The following MRPS23 variants were observed in gnomAD, a reference collection of about 807,000 sequenced individuals.
MRPS23 encodes the protein mitochondrial ribosomal protein S23.
Under a neutral mutation model 19.8 loss-of-function variants are expected in MRPS23, and 14 were observed. The ratio of observed to expected loss-of-function variants is 0.71; its 90% CI spans 0.47 to 1.11. The LOEUF (loss-of-function observed/expected upper bound fraction) is 1.11, where lower values mean the gene tolerates loss of function less well. MRPS23 is among the 50% of genes least tolerant of loss of function. The probability of loss-of-function intolerance (pLI) is 0.00; values close to 1 mark genes in which losing one functional copy is unlikely to be tolerated. For missense variants in MRPS23, 242 were observed against 236.7 expected (o/e 1.02, Z -0.15); for synonymous variants, 113 against 89.7 (o/e 1.26, Z -1.47).
intron 2 of MRPS23, among the ~76,000 whole-genome samples, chr17:57,842,291 G>A (rs905613105): frequency 3.3e-5 from 5 of 152,180 alleles, no homozygotes; most frequent in African/African-American, 1.2e-4. Flanking sequence ...TGGGCTTACA[G>A]GCATGAGCCA....
intron 2 of MRPS23, among the ~76,000 whole-genome samples, chr17:57,846,297 T>C (rs1204644911): frequency 1.4e-4 from 1 of 7,390 alleles, no homozygotes; most frequent in Non-Finnish European, 5.3e-4. Context: ...GGGAGGGAGG[T>C]GGGGGGCACC....
rs2073737777 is a variant in MRPS23, at chr17:57,841,166, C to T, written c.293+17G>A. ...AAAAAATAATATGAATAGCCTAGGA[C>T]TTATAAAATGGCTTACCGTTGACAG... On this transcript the variant is annotated intron_variant, in intron 3 of 4. Coordinates refer to ENST00000313608, the MANE Select transcript of MRPS23 (RefSeq NM_016070.4). 1 of 1,613,726 alleles carries T rather than the reference C, an allele frequency of 6.2e-7. No individual in the cohort carries two copies. The highest frequency in any genetic ancestry group is 1.1e-5 in the South Asian group (1 of 91,014).
chr17:57,842,977 T>A (rs2586042), intron 2 of MRPS23, among the ~76,000 whole-genome samples: 144,916 of 147,662 alleles, frequency 0.98, 71,157 homozygotes, highest in East Asian at 1. Context: ...CCAGCAAAAA[T>A]ATATATATAT....
In MRPS23 at chr17:57,849,995, G is replaced by A. The variant is rs759243514; in HGVS notation, c.16C>T (p.Leu6=). The change falls in exon 1 of 5, where the codon CTG becomes TTG. Residue 6 remains leucine, a synonymous_variant. Transcript: ENST00000313608. ...GAGAAGATGCTCCCTACGGTTTCCA[G>A]CCGGCTGCCTGCCATGATCTGCGCC... MAGSR[L]ETVGSIFSRT... is the part of the protein sequence containing the mutation. The A allele has an allele frequency of 2.4e-5, 38 of 1,591,332 alleles. No individual in the cohort carries two copies. The Middle Eastern group carries it at 5.0e-4, about 21-fold the overall frequency.
chr17:57,842,416 C>T (rs2073745041), intron 2 of MRPS23, among the ~76,000 whole-genome samples: 1 of 152,226 alleles, frequency 6.6e-6, no homozygotes, highest in African/African-American at 2.4e-5. Flanking sequence ...TCATCACCCC[C>T]AAAAGGAGGC....
chr17:57,849,312 C>G lies in MRPS23; in HGVS notation c.143G>C (p.Arg48Thr), dbSNP rs2073796771. Reference sequence around the variant, plus strand: ...GGCTTTGCCATATCGCACTCGAGGCCTTTGGAAGACGGGCTCCCTCAGCGG... The same window carrying G: ...GGCTTTGCCATATCGCACTCGAGGCGTTTGGAAGACGGGCTCCCTCAGCGG... ...FPPLREPVFQ[R>T]PRVRYGKAKA... Residue 48 changes from arginine (R) to threonine (T), a missense_variant, in exon 2 of 5, where the codon AGG (arginine) becomes ACG (threonine). Physicochemically the swap from Arg to Thr is moderately conservative, Grantham distance 71. Coordinates refer to ENST00000313608, the MANE Select transcript of MRPS23 (RefSeq NM_016070.4). The G allele has an allele frequency of 1.2e-6, 2 of 1,614,226 alleles. No homozygotes were observed. Among genetic ancestry groups the G allele is most frequent in the African/African-American group, 2.7e-5 (2 of 75,046 alleles).
At chr17:57,841,083 T>C in intron 3 of MRPS23, 31 bp from the exon 4 acceptor site, 1 of 1,612,888 alleles carries the variant, frequency 6.2e-7, no homozygotes, top group Non-Finnish European at 8.5e-7. Context: ...ATTTTAGGTA[T>C]GTTTGTAAGC....
chr17:57,849,800 A>T, intron 1 of MRPS23, 167 bp downstream of exon 1: 1 of 791,818 alleles, frequency 1.3e-6, no homozygotes, highest in Non-Finnish European at 2.0e-6. Flanking sequence ...CCTCAGGCAC[A>T]ACTATTCGGA....
chr17:57,846,669 T>C (rs1597953965), intron 2 of MRPS23, among the ~76,000 whole-genome samples: 1 of 152,166 alleles, frequency 6.6e-6, no homozygotes, highest in South Asian at 2.1e-4. Flanking sequence ...GTTAAATGGA[T>C]TAAGGGCGGT....
chr17:57,849,965 A>C lies in MRPS23; in HGVS notation c.44+2T>G. On this transcript the variant is annotated splice_donor_variant, in intron 1 of 4. Coordinates refer to ENST00000313608, the MANE Select transcript of MRPS23 (RefSeq NM_016070.4). LOFTEE classifies it high-confidence loss of function. ...CAGCCCACCACGGCTGGGAGCACAC[A>C]CCGAGAGAAGATGCTCCCTACGGTT... is the stretch of plus-strand genomic sequence containing the variant. The C allele has an allele frequency of 6.3e-7, 1 of 1,587,348 alleles. No homozygotes were observed. Among genetic ancestry groups the C allele is most frequent in the Admixed American group, 1.7e-5 (1 of 58,312 alleles).
intron 2 of MRPS23, among the ~76,000 whole-genome samples, chr17:57,847,120 C>T (rs1267011517): frequency 2.0e-5 from 3 of 150,202 alleles, no homozygotes; most frequent in African/African-American, 7.4e-5. Flanking sequence ...CATGGTGAAA[C>T]CCCATCTCTA....
chr17:57,837,194 C>G lies in MRPS23; in HGVS notation c.*2589G>C, dbSNP rs1026555724. 2.0e-5 allele frequency: 3 copies of G among 152,212 alleles called. No individual in the cohort carries two copies. Among genetic ancestry groups the G allele is most frequent in the Non-Finnish European group, 4.4e-5 (3 of 68,032 alleles). 9.4% of individuals were successfully genotyped at this position (152,212 alleles called of 1,614,324 possible). A position where few individuals can be genotyped will look rare whatever the true frequency, so the allele number is the denominator to read the frequency against. ...TCTCCCCATCCAGATATTTGCTATACAGGGATGGTCTTTCCCTTCTGGTCC... is the reference window on the plus strand; with the variant it reads ...TCTCCCCATCCAGATATTTGCTATAGAGGGATGGTCTTTCCCTTCTGGTCC... On this transcript the variant is annotated 3_prime_UTR_variant, in exon 5 of 5. Coordinates refer to ENST00000313608, the MANE Select transcript of MRPS23 (RefSeq NM_016070.4).
chr17:57,847,681 A>G (rs2073785458), intron 2 of MRPS23, among the ~76,000 whole-genome samples: 1 of 146,768 alleles, frequency 6.8e-6, no homozygotes, highest in Non-Finnish European at 1.5e-5. Flanking sequence ...AAAAATACTT[A>G]GATCAGAAAA....
At chr17:57,845,294 C>T (rs2073765439) in intron 2 of MRPS23, among the ~76,000 whole-genome samples, 1 of 152,124 alleles carries the variant, frequency 6.6e-6, no homozygotes, top group African/African-American at 2.4e-5. Context: ...ATGTTGTATG[C>T]CGAAAATATC....
Position 57,850,027 on chromosome 17 carries a change from C to G in MRPS23, c.-17G>C. 1 of 1,589,152 alleles carries G rather than the reference C, an allele frequency of 6.3e-7. No homozygotes were observed. Among genetic ancestry groups the G allele is most frequent in the South Asian group, 1.1e-5 (1 of 88,224 alleles). ...GCCTGCCATGATCTGCGCCTGGTAC[C>G]GAGCGTGACTAGCTGCTACCGGAAC... On this transcript the variant is annotated 5_prime_UTR_variant, in exon 1 of 5. Transcript: ENST00000313608.
intron 2 of MRPS23, among the ~76,000 whole-genome samples, chr17:57,844,766 A>G (rs2073761705): frequency 9.4e-6 from 1 of 105,828 alleles, no homozygotes. Flanking sequence ...AGAGAGCAAG[A>G]CTCCATCTCA....
At chr17:57,842,879 A>T (rs908348593) in intron 2 of MRPS23, among the ~76,000 whole-genome samples, 1,168 of 99,176 alleles carry the variant, frequency 0.012, 14 homozygotes, top group African/African-American at 0.022. Context: ...AAAAAAAAAA[A>T]ATATATATAT....
intron 2 of MRPS23, among the ~76,000 whole-genome samples, chr17:57,845,449 A>T (rs562022983): frequency 6.6e-6 from 1 of 152,318 alleles, no homozygotes; most frequent in East Asian, 1.9e-4. Context: ...AGTAAGAATA[A>T]GGGATGTGTA....
rs147272478 is a variant in MRPS23 at position 57,843,456 on chromosome 17, T to C, written c.216-2196A>G. 1.1e-4 allele frequency among the ~76,000 whole-genome samples: 17 copies of C among 152,350 alleles called. No homozygotes were observed. The East Asian group carries it at 3.3e-3, about 29-fold the overall frequency. ...CTTTTCTGTGAACTGTCCAAGTTCT[T>C]TGTCCGCTTTTCTATTTGGTGGTTG... On this transcript the variant is annotated intron_variant, in intron 2 of 4. Coordinates refer to ENST00000313608, the MANE Select transcript of MRPS23 (RefSeq NM_016070.4).
Sources: gnomAD v4.1 joint callset for allele counts (sites outside exome capture counted in the v4.1 genomes callset) on GRCh38, gnomAD v4.1.1 for gene constraint, MANE v1.5 for transcripts, NCBI Gene and HGNC (gene_info 2026-07-23, HGNC 2026-07-21) for gene names.